Variants in VPS41 observed in about 807,000 individuals in gnomAD.
VPS41 encodes vacuolar protein sorting-associated protein 41 homolog.
In VPS41, 85 loss-of-function variants were observed where a neutral mutation model predicts 130.9. The observed-to-expected ratio is 0.65, with a 90% CI of 0.55 to 0.78. The LOEUF (loss-of-function observed/expected upper bound fraction) is 0.78. Among genes scored for constraint, VPS41 ranks in the 30% least tolerant of loss-of-function variants. VPS41 has a pLI of 0.00. For synonymous variants in VPS41, 335 were observed against 332.9 expected (o/e 1.01, Z -0.07); for missense variants, 874 against 1,018.7 (o/e 0.86, Z 1.93).
At chr7:38,838,019 C>T (rs1785531823) in intron 4 of VPS41, among the ~76,000 whole-genome samples, 1 of 152,028 alleles carries the variant, frequency 6.6e-6, no homozygotes, top group Non-Finnish European at 1.5e-5. Flanking sequence ...TGAGTGATAA[C>T]TGAGTATCAT....
At chr7:38,760,840 T>G (rs923422892) in intron 17 of VPS41, among the ~76,000 whole-genome samples, 4 of 152,126 alleles carry the variant, frequency 2.6e-5, no homozygotes, top group Non-Finnish European at 5.9e-5. Context: ...TAAATAATAC[T>G]TAGAAATGAA....
intron 1 of VPS41, among the ~76,000 whole-genome samples, chr7:38,899,265 T>A (rs1039097561): frequency 2.6e-5 from 4 of 152,208 alleles, no homozygotes; most frequent in African/African-American, 7.2e-5. Context: ...CCACAATGAA[T>A]ATTAGAATCT....
chr7:38,899,871 AT>A (rs905512352), intron 1 of VPS41, among the ~76,000 whole-genome samples: 70 of 151,758 alleles, frequency 4.6e-4, no homozygotes, highest in South Asian at 2.1e-4. Context: ...ACCTAAGGAA[AT>A]TTTTTTTTCC....
At chr7:38,871,287 T>C (rs1786353105) in intron 2 of VPS41, among the ~76,000 whole-genome samples, 1 of 152,198 alleles carries the variant, frequency 6.6e-6, no homozygotes, top group African/African-American at 2.4e-5. Context: ...ATTATAAGAC[T>C]GATGAGACAC....
At chr7:38,811,455 T>C (rs1487170839) in intron 7 of VPS41, among the ~76,000 whole-genome samples, 2 of 152,064 alleles carry the variant, frequency 1.3e-5, no homozygotes, top group Non-Finnish European at 2.9e-5. Context: ...AAAGTTTGTA[T>C]GTTACAAGTC....
rs774839399 is a variant in VPS41 at position 38,774,191 on chromosome 7, C to T, written c.936G>A (p.Glu312=). Reference sequence around the variant, plus strand: ...CATCAGAAGAGATCTCTTCACAAGTCTCAGAAAGTGGCTGGATGATGTCCA... The same window carrying T: ...CATCAGAAGAGATCTCTTCACAAGTTTCAGAAAGTGGCTGGATGATGTCCA... ...PRLDIIQPLS[E]TCEEISSDAL... is the part of the protein sequence containing the mutation. Residue 312 remains glutamate, a synonymous_variant, in exon 12 of 29, where the codon GAG becomes GAA. Transcript: ENST00000310301. 1 of 1,609,426 alleles carries T rather than the reference C, an allele frequency of 6.2e-7. No individual in the cohort carries two copies. The highest frequency in any genetic ancestry group is 1.1e-5 in the South Asian group (1 of 90,536).
At chr7:38,810,765 T>C (rs1784929531) in intron 7 of VPS41, among the ~76,000 whole-genome samples, 1 of 152,222 alleles carries the variant, frequency 6.6e-6, no homozygotes, top group Non-Finnish European at 1.5e-5. Flanking sequence ...ACCTCTCAGT[T>C]ATCTGACATA....
At chr7:38,794,375 C>G (rs1176859497) in intron 9 of VPS41, among the ~76,000 whole-genome samples, 1 of 152,082 alleles carries the variant, frequency 6.6e-6, no homozygotes. Flanking sequence ...CTGGGAGGGC[C>G]TGAAGTGTAA....
Position 38,796,835 on chromosome 7 carries a change from G to A in VPS41, c.480C>T (p.Asn160=). 1.2e-6 allele frequency: 2 copies of A among 1,613,918 alleles called. No homozygotes were observed. Among genetic ancestry groups the A allele is most frequent in the Non-Finnish European group, 1.7e-6 (2 of 1,179,856 alleles). The change falls in exon 8 of 29, where the codon AAC becomes AAT. Residue 160 remains asparagine (N), a synonymous_variant. Transcript: ENST00000310301. ...CATGCAGAACAGCAGACTTCCATCT[G>A]TTCATCCAAGACCGTTCAAACAGTA... ...KLLLFERSWM[N]RWKSAVLHEG... is the part of the protein sequence containing the mutation.
intron 2 of VPS41, among the ~76,000 whole-genome samples, chr7:38,874,848 A>C (rs1786453176): frequency 6.6e-6 from 1 of 152,166 alleles, no homozygotes; most frequent in Non-Finnish European, 1.5e-5. Context: ...TGAAATATCC[A>C]AAATTAGTAG....
intron 2 of VPS41, among the ~76,000 whole-genome samples, chr7:38,871,288 G>A (rs1366032190): frequency 6.6e-6 from 1 of 152,212 alleles, no homozygotes; most frequent in Non-Finnish European, 1.5e-5. Flanking sequence ...TTATAAGACT[G>A]ATGAGACACA....
chr7:38,726,189 G>C lies in VPS41; in HGVS notation c.*57C>G. ...ACGAGTGTCAACAAATGCTTTTGTT[G>C]TTGCAAAAACAGTCTCAAAAAGAGT... On this transcript the variant is annotated 3_prime_UTR_variant, in exon 29 of 29. Coordinates refer to ENST00000310301, the MANE Select transcript of VPS41 (RefSeq NM_014396.4). 2 of 1,221,408 alleles carry C rather than the reference G, an allele frequency of 1.6e-6. No individual in the cohort carries two copies. Among genetic ancestry groups the C allele is most frequent in the Non-Finnish European group, 2.4e-6 (2 of 824,376 alleles). 75.7% of individuals were successfully genotyped at this position (1,221,408 alleles called of 1,614,324 possible).
chr7:38,806,273 A>C (rs2116041437), intron 7 of VPS41, among the ~76,000 whole-genome samples: 1 of 152,326 alleles, frequency 6.6e-6, no homozygotes, highest in East Asian at 1.9e-4. Flanking sequence ...CCTAAGAATC[A>C]ATGGTAGGAA....
intron 4 of VPS41, among the ~76,000 whole-genome samples, chr7:38,859,819 G>A (rs1372190156): frequency 6.6e-6 from 1 of 152,154 alleles, no homozygotes; most frequent in Admixed American, 6.5e-5. Context: ...AGGAATCTAA[G>A]ATTTTATAAG....
At chr7:38,776,590 A>C in intron 11 of VPS41, 89 bp downstream of exon 11, 2 of 693,518 alleles carry the variant, frequency 2.9e-6, no homozygotes, top group Non-Finnish European at 5.3e-6. Flanking sequence ...CTCAGATTAT[A>C]GCGTATGCTA....
chr7:38,772,653 G>T lies in VPS41; in HGVS notation c.1013-16C>A, dbSNP rs757429914. On this transcript the variant is annotated splice_polypyrimidine_tract_variant and intron_variant, in intron 12 of 28. Transcript: ENST00000310301. Reference sequence around the variant, plus strand: ...TCAGAGTATTCTGTAGGTGAGAAAAGAGAGGAACGACTTGGTGACTGAACA... The same window carrying T: ...TCAGAGTATTCTGTAGGTGAGAAAATAGAGGAACGACTTGGTGACTGAACA... 1.8e-5 allele frequency: 29 copies of T among 1,570,330 alleles called. No individual in the cohort carries two copies. The South Asian group carries it at 3.0e-4, about 16-fold the overall frequency.
intron 10 of VPS41, 64 bp from the exon 11 acceptor site, chr7:38,776,840 G>T: frequency 1.1e-6 from 1 of 903,922 alleles, no homozygotes; most frequent in Non-Finnish European, 1.8e-6. Context: ...ACATCTGGAG[G>T]AACACAATGA....
At chr7:38,726,409 A>T in intron 28 of VPS41, 83 bp from the exon 29 acceptor site, 1 of 1,069,754 alleles carries the variant, frequency 9.3e-7, no homozygotes, top group Non-Finnish European at 1.4e-6. Context: ...AGGTAGCGTT[A>T]GTCAGGGGGT....
chr7:38,899,544 C>A (rs921479374), intron 1 of VPS41, among the ~76,000 whole-genome samples: 10 of 152,184 alleles, frequency 6.6e-5, no homozygotes, highest in Admixed American at 6.5e-4. Context: ...TGGACATAGT[C>A]CACTTTAACA....
Sources: allele counts gnomAD v4.1 joint callset (sites outside exome capture counted in the v4.1 genomes callset), GRCh38; gene constraint gnomAD v4.1.1; transcripts MANE v1.5; gene names NCBI Gene and HGNC (gene_info 2026-07-23, HGNC 2026-07-21).